Variants in PPP2R2B observed in about 807,000 individuals in gnomAD.
PPP2R2B encodes serine/threonine-protein phosphatase 2A 55 kDa regulatory subunit B beta isoform.
In PPP2R2B, 5 loss-of-function variants were observed where a neutral mutation model predicts 46.0. That is an observed-to-expected ratio of 0.11 (90% CI 0.06 to 0.23). The LOEUF (loss-of-function observed/expected upper bound fraction) is 0.23. PPP2R2B is among the 10% of genes least tolerant of loss of function. PPP2R2B has a pLI of 1.00. For missense variants in PPP2R2B, 367 were observed against 575.0 expected (o/e 0.64, Z 3.70); for synonymous variants, 215 against 206.7 (o/e 1.04, Z -0.34).
intron 1 of PPP2R2B, among the ~76,000 whole-genome samples, chr5:146,935,197 A>G (rs1764100358): frequency 1.3e-5 from 2 of 152,176 alleles, no homozygotes; most frequent in Admixed American, 6.5e-5. Flanking sequence ...AGGTGACTAG[A>G]TCATGAGGGC....
chr5:147,058,718 C>A (rs2151906567), upstream of PPP2R2B, among the ~76,000 whole-genome samples: 1 of 152,296 alleles, frequency 6.6e-6, no homozygotes, highest in African/African-American at 2.4e-5. Flanking sequence ...TTTGAAATTT[C>A]TTTGGACAGT....
intron 2 of PPP2R2B, among the ~76,000 whole-genome samples, chr5:146,726,634 C>T (rs531953610): frequency 3.3e-5 from 5 of 152,156 alleles, no homozygotes; most frequent in Non-Finnish European, 7.3e-5. Context: ...CATCCTAAAA[C>T]CAGTTAGTAG....
At chr5:147,045,883 A>G (rs953690309) in intron 1 of PPP2R2B, among the ~76,000 whole-genome samples, 1 of 152,026 alleles carries the variant, frequency 6.6e-6, no homozygotes, top group East Asian at 1.9e-4. Flanking sequence ...TTTGCCTAAA[A>G]TATCCTCTTT....
At chr5:146,856,781 C>T (rs781136771) in intron 2 of PPP2R2B, among the ~76,000 whole-genome samples, 18 of 152,118 alleles carry the variant, frequency 1.2e-4, no homozygotes, top group Non-Finnish European at 2.1e-4. Flanking sequence ...TCAGCCCCGT[C>T]GACCTGAAGT....
At chr5:147,021,913 A>G (rs1413659528) in intron 1 of PPP2R2B, among the ~76,000 whole-genome samples, 1 of 152,206 alleles carries the variant, frequency 6.6e-6, no homozygotes, top group Non-Finnish European at 1.5e-5. Flanking sequence ...TAAAAAATCT[A>G]TTAAGATTAT....
At chr5:146,633,537 T>C (rs982612611) in intron 7 of PPP2R2B, among the ~76,000 whole-genome samples, 6 of 152,332 alleles carry the variant, frequency 3.9e-5, no homozygotes, top group East Asian at 1.9e-4. Context: ...CTGAAGAAGG[T>C]TGGTTCTTTG....
chr5:146,984,263 C>T (rs980396304), intron 1 of PPP2R2B, among the ~76,000 whole-genome samples: 5 of 152,284 alleles, frequency 3.3e-5, no homozygotes, highest in East Asian at 1.9e-4. Flanking sequence ...CAACCTCCCA[C>T]GGTCTGGTAA....
intron 1 of PPP2R2B, among the ~76,000 whole-genome samples, chr5:146,969,403 TG>T (rs1385635996): frequency 6.6e-6 from 1 of 152,032 alleles, no homozygotes; most frequent in Non-Finnish European, 1.5e-5. Context: ...CAGATAAAAT[TG>T]GGGGGAGGAG....
rs574885376 is a variant in PPP2R2B at position 147,005,321 on chromosome 5, A to C, written c.79+50344T>G. ...TAGTGATGTAAACATACTTGAAAGT[A>C]AACCTCTTCCCCCAGGGACCAGTGC... On this transcript the variant is annotated intron_variant, in intron 1 of 8. Coordinates refer to the PPP2R2B transcript ENST00000336640. 7.2e-5 allele frequency among the ~76,000 whole-genome samples: 11 copies of C among 152,320 alleles called. No homozygotes were observed. The South Asian group carries it at 1.7e-3, about 23-fold the overall frequency.
chr5:146,668,877 G>A (rs1777173487), intron 5 of PPP2R2B, among the ~76,000 whole-genome samples: 1 of 152,156 alleles, frequency 6.6e-6, no homozygotes, highest in African/African-American at 2.4e-5. Flanking sequence ...GCAGGGCACG[G>A]GTGGCATGGA....
chr5:146,802,964 T>C (rs539242551), intron 2 of PPP2R2B, among the ~76,000 whole-genome samples: 2 of 152,214 alleles, frequency 1.3e-5, no homozygotes, highest in South Asian at 4.2e-4. Flanking sequence ...TCAACATTAA[T>C]AAAATGTTCA....
chr5:146,643,601 G>A (rs531473478), intron 6 of PPP2R2B, among the ~76,000 whole-genome samples: 3 of 152,162 alleles, frequency 2.0e-5, no homozygotes, highest in African/African-American at 7.2e-5. Context: ...GAAAGGGTGG[G>A]AAGGAGGTGA....
At chr5:146,918,711 C>T (rs1582425100) in intron 1 of PPP2R2B, among the ~76,000 whole-genome samples, 1 of 152,122 alleles carries the variant, frequency 6.6e-6, no homozygotes, top group African/African-American at 2.4e-5. Flanking sequence ...CTTTGTCTTG[C>T]CAATAGGCCT....
chr5:146,805,670 C>G (rs1397892285), intron 2 of PPP2R2B, among the ~76,000 whole-genome samples: 1 of 151,830 alleles, frequency 6.6e-6, no homozygotes, highest in Non-Finnish European at 1.5e-5. Flanking sequence ...CAAATTGCAC[C>G]CTAGGAAAAA....
intron 1 of PPP2R2B, among the ~76,000 whole-genome samples, chr5:146,968,224 T>C (rs569390494): frequency 3.9e-5 from 6 of 152,210 alleles, no homozygotes; most frequent in Non-Finnish European, 7.3e-5. Flanking sequence ...CACCCTTTTT[T>C]GAACCTTTCC....
In PPP2R2B at chr5:146,706,063, T is replaced by C. The variant is rs1391058647; in HGVS notation, c.71-4921A>G. Among the ~76,000 whole-genome samples, 8 of 152,202 alleles carry C rather than the reference T, an allele frequency of 5.3e-5. No homozygotes were observed. The East Asian group carries it at 1.4e-3, about 26-fold the overall frequency. On this transcript the variant is annotated intron_variant, in intron 2 of 9. Transcript: ENST00000394411. Reference sequence around the variant, plus strand: ...GCAAGGGGCGGGGGTCCCCAGGCAGTGAACTCCCCCGCGGGTGGGCTGAGG... The same window carrying C: ...GCAAGGGGCGGGGGTCCCCAGGCAGCGAACTCCCCCGCGGGTGGGCTGAGG...
At chr5:146,712,067 T>C (rs1176250074) in intron 2 of PPP2R2B, among the ~76,000 whole-genome samples, 1 of 152,214 alleles carries the variant, frequency 6.6e-6, no homozygotes, top group East Asian at 1.9e-4. Flanking sequence ...AGGCAAGGAT[T>C]TGATTTTTTC....
chr5:146,759,725 G>T (rs1194737944), intron 2 of PPP2R2B, among the ~76,000 whole-genome samples: 1 of 151,034 alleles, frequency 6.6e-6, no homozygotes, highest in Non-Finnish European at 1.5e-5. Context: ...TGTCCATATG[G>T]GTGGGTCTGA....
At chr5:146,675,090 T>G (rs557920236) in intron 5 of PPP2R2B, among the ~76,000 whole-genome samples, 11 of 152,268 alleles carry the variant, frequency 7.2e-5, no homozygotes, top group Admixed American at 4.6e-4. Context: ...AGCCTCCAAG[T>G]AGCTGGGATT....
Sources: gnomAD v4.1 joint callset for allele counts (sites outside exome capture counted in the v4.1 genomes callset) on GRCh38, gnomAD v4.1.1 for gene constraint, MANE v1.5 for transcripts, NCBI Gene and HGNC (gene_info 2026-07-23, HGNC 2026-07-21) for gene names.